Variants in TLL1 observed in about 807,000 individuals in gnomAD.
TLL1 encodes tolloid like 1, also known as tolloid-like protein 1.
In TLL1, 49 loss-of-function variants were observed where a neutral mutation model predicts 128.2. The ratio of observed to expected loss-of-function variants is 0.38; its 90% CI spans 0.30 to 0.48. TLL1 has a LOEUF of 0.48. Ranked by LOEUF, TLL1 falls within the 20% of genes least tolerant of loss-of-function variation. The pLI is 0.96. For missense variants in TLL1, 1,123 were observed against 1,242.0 expected, an observed-to-expected ratio of 0.90 and a Z score of 1.44; for synonymous variants, 454 against 418.8, an observed-to-expected ratio of 1.08 and a Z score of -1.03.
At chr4:165,986,699 T>C (rs1462560320) in intron 1 of TLL1, among the ~76,000 whole-genome samples, 1 of 152,064 alleles carries the variant, frequency 6.6e-6, no homozygotes, top group African/African-American at 2.4e-5. Flanking sequence ...TGCCCTTTCT[T>C]CTCCCCAGAA....
At chr4:165,976,034 C>CA (rs1169297533) in intron 1 of TLL1, among the ~76,000 whole-genome samples, 855 of 71,882 alleles carry the variant, frequency 0.012, 47 homozygotes, top group South Asian at 0.026. Context: ...GATTCCATCT[C>CA]AAAAAAAAAA....
At position 166,101,109 on chromosome 4, in the gene TLL1, G is replaced by T. The variant is rs185300311; in HGVS notation, c.*233G>T. 2.5e-3 allele frequency: 1,263 copies of T among 498,982 alleles called. 4 individuals are homozygous for T. Among genetic ancestry groups the T allele is most frequent in the Non-Finnish European group, 3.8e-3 (1,073 of 278,962 alleles). 30.9% of individuals were successfully genotyped at this position (498,982 alleles called of 1,614,324 possible). On this transcript the variant is annotated 3_prime_UTR_variant, in exon 21 of 21. Coordinates refer to ENST00000061240, the MANE Select transcript of TLL1 (RefSeq NM_012464.5). ...TGGTATTAATAAAGCTGGTGAAAGG[G>T]CATCATATACTTCAAGGAAGACTCT...
At chr4:166,037,733 G>C (rs144100655) in intron 9 of TLL1, among the ~76,000 whole-genome samples, 1 of 151,842 alleles carries the variant, frequency 6.6e-6, no homozygotes, top group African/African-American at 2.4e-5. Context: ...GCTTCAACCC[G>C]GAAGGCAGAG....
intron 18 of TLL1, among the ~76,000 whole-genome samples, chr4:166,080,899 T>A (rs997160273): frequency 1.8e-4 from 27 of 152,204 alleles, no homozygotes; most frequent in Admixed American, 7.9e-4. Context: ...TCTCCACCCT[T>A]TTTTGTCTTT....
At chr4:166,047,548 C>A (rs1284272263) in intron 12 of TLL1, among the ~76,000 whole-genome samples, 3 of 150,004 alleles carry the variant, frequency 2.0e-5, no homozygotes, top group African/African-American at 7.3e-5. Flanking sequence ...ATATAAGGAC[C>A]ATGAAGATAA....
intron 8 of TLL1, among the ~76,000 whole-genome samples, chr4:166,021,336 C>T (rs1339256219): frequency 6.6e-6 from 1 of 151,992 alleles, no homozygotes; most frequent in Non-Finnish European, 1.5e-5. Flanking sequence ...ATCCAGCAGC[C>T]CAAGCCAGAA....
At position 166,007,468 on chromosome 4, in the gene TLL1, C is replaced by T. The variant is rs985388222; in HGVS notation, c.812-475C>T. Among the ~76,000 whole-genome samples the T allele has an allele frequency of 1.3e-5, 2 of 151,640 alleles. 1 individual carries two copies. Among genetic ancestry groups the T allele is most frequent in the South Asian group, 4.1e-4 (2 of 4,830 alleles). ...AATCGTGGAGCAAAAGCCTGCAGAG[C>T]TCTGTTTAACTAATATTGCTTTTAT... On this transcript the variant is annotated intron_variant, in intron 6 of 20. Coordinates refer to ENST00000061240, the MANE Select transcript of TLL1 (RefSeq NM_012464.5).
Position 166,100,958 on chromosome 4 carries a change from C to T in TLL1, c.*82C>T, listed in dbSNP as rs1023917714. 27 of 1,530,098 alleles carry T rather than the reference C, an allele frequency of 1.8e-5. No homozygotes were observed. Among genetic ancestry groups the T allele is most frequent in the African/African-American group, 2.8e-5 (2 of 72,138 alleles). The allele number at this position is 1,530,098 out of a possible 1,614,324, so 94.8% of individuals were successfully genotyped here. A position where few individuals can be genotyped will look rare whatever the true frequency, so the allele number is the denominator to read the frequency against. ...TTTTTTAAAACTGAAGATATTGGCACAAATGTTTTATACAAAGAGTTTGAA... is the reference window on the plus strand; with the variant it reads ...TTTTTTAAAACTGAAGATATTGGCATAAATGTTTTATACAAAGAGTTTGAA... On this transcript the variant is annotated 3_prime_UTR_variant, in exon 21 of 21. Coordinates refer to ENST00000061240, the MANE Select transcript of TLL1 (RefSeq NM_012464.5).
intron 9 of TLL1, among the ~76,000 whole-genome samples, chr4:166,036,734 TAGA>T (rs1210062609): frequency 6.6e-6 from 1 of 151,830 alleles, no homozygotes; most frequent in Admixed American, 6.6e-5. Flanking sequence ...GTGTTTAAAC[TAGA>T]AGATTAAAAA....
chr4:165,908,174 A>C lies in TLL1; in HGVS notation c.169+34101A>C, dbSNP rs116118797. On this transcript the variant is annotated intron_variant, in intron 1 of 20. Transcript: ENST00000061240. ...AGTAATTGTTATTCTCATTTTAAAAATAATTTGACATTTAGAAGAGTTAAA... is the reference window on the plus strand; with the variant it reads ...AGTAATTGTTATTCTCATTTTAAAACTAATTTGACATTTAGAAGAGTTAAA... Among the ~76,000 whole-genome samples the C allele has an allele frequency of 8.8e-3, 1,337 of 152,336 alleles. 22 individuals carry two copies. The highest frequency in any genetic ancestry group is 0.03 in the African/African-American group (1,256 of 41,572).
At chr4:165,938,914 T>A (rs2110919258) in intron 1 of TLL1, among the ~76,000 whole-genome samples, 1 of 152,228 alleles carries the variant, frequency 6.6e-6, no homozygotes, top group Non-Finnish European at 1.5e-5. Flanking sequence ...GCTTCATGGT[T>A]GCAATGTCAT....
chr4:166,044,119 G>A (rs1010988334), intron 12 of TLL1, among the ~76,000 whole-genome samples: 7 of 152,102 alleles, frequency 4.6e-5, no homozygotes, highest in African/African-American at 1.4e-4. Flanking sequence ...AATCAGAGTT[G>A]GTCTAGTAAT....
intron 1 of TLL1, among the ~76,000 whole-genome samples, chr4:165,877,824 C>T (rs1730789760): frequency 1.3e-5 from 2 of 149,750 alleles, no homozygotes; most frequent in East Asian, 3.9e-4. Context: ...TAAGAAAGCT[C>T]AGGCAATTGT....
intron 1 of TLL1, among the ~76,000 whole-genome samples, chr4:165,897,966 T>A (rs2110845550): frequency 6.6e-6 from 1 of 152,300 alleles, no homozygotes; most frequent in Non-Finnish European, 1.5e-5. Flanking sequence ...GTTGTATTCC[T>A]AGATATTTTA....
At chr4:165,896,500 T>TC (rs1491321557) in intron 1 of TLL1, among the ~76,000 whole-genome samples, 4 of 132,150 alleles carry the variant, frequency 3.0e-5, no homozygotes, top group South Asian at 2.7e-4. Context: ...TTTTTTTTTT[T>TC]CAGACCGAGT....
At chr4:165,981,014 C>A (rs1262840483) in intron 1 of TLL1, among the ~76,000 whole-genome samples, 1 of 152,044 alleles carries the variant, frequency 6.6e-6, no homozygotes, top group Non-Finnish European at 1.5e-5. Flanking sequence ...TATAAATGAG[C>A]TCTTTATGAA....
In TLL1 at chr4:166,042,072, A is replaced by G. The variant is rs1265560673; in HGVS notation, c.1307A>G (p.Asp436Gly). 2 of 1,612,518 alleles carry G rather than the reference A, an allele frequency of 1.2e-6. No homozygotes were observed. The highest frequency in any genetic ancestry group is 1.7e-6 in the Non-Finnish European group (2 of 1,178,768). ...DKLPEVLTST[D>G]SRMWIEFRSS... ...TTGCCTGAAGTTCTTACTTCTACAG[A>G]CAGCAGAATGTGGATTGAGTTTCGT... The change falls in exon 11 of 21, where the codon GAC becomes GGC. Residue 436 changes from aspartate (D) to glycine (G), a missense_variant. Coordinates refer to ENST00000061240, the MANE Select transcript of TLL1 (RefSeq NM_012464.5).
At chr4:165,965,758 A>G (rs1735336272) in intron 1 of TLL1, among the ~76,000 whole-genome samples, 1 of 152,242 alleles carries the variant, frequency 6.6e-6, no homozygotes, top group Non-Finnish European at 1.5e-5. Flanking sequence ...AGGCACATGT[A>G]TCTTCTATTC....
At chr4:165,925,780 T>G (rs939854531) in intron 1 of TLL1, among the ~76,000 whole-genome samples, 6 of 152,166 alleles carry the variant, frequency 3.9e-5, no homozygotes, top group Non-Finnish European at 5.9e-5. Flanking sequence ...CCATGTCTTA[T>G]TTTAGGAAAT....
Sources: gnomAD v4.1 joint callset for allele counts (sites outside exome capture counted in the v4.1 genomes callset) on GRCh38, gnomAD v4.1.1 for gene constraint, MANE v1.5 for transcripts, NCBI Gene and HGNC (gene_info 2026-07-23, HGNC 2026-07-21) for gene names.